Variants in MOXD1 observed in about 807,000 individuals in gnomAD.
MOXD1 encodes DBH-like monooxygenase protein 1.
In MOXD1, 62 loss-of-function variants were observed where a neutral mutation model predicts 66.6. The ratio of observed to expected loss-of-function variants is 0.93; its 90% confidence interval spans 0.76 to 1.15. MOXD1 has a LOEUF of 1.15. Among genes scored for constraint, MOXD1 ranks in the 50% most tolerant of loss-of-function variants. The pLI is 0.00. For missense variants in MOXD1, 847 were observed against 754.6 expected (o/e 1.12, Z -1.44); for synonymous variants, 303 against 281.9 (o/e 1.07, Z -0.75).
intron 9 of MOXD1, among the ~76,000 whole-genome samples, chr6:132,318,921 C>T (rs1420870698): frequency 1.3e-5 from 2 of 151,890 alleles, no homozygotes; most frequent in African/African-American, 4.8e-5. Flanking sequence ...AAAGTTTATC[C>T]TTTTCCATTT....
intron 4 of MOXD1, among the ~76,000 whole-genome samples, chr6:132,329,852 G>T (rs561740389): frequency 6.6e-6 from 1 of 152,100 alleles, no homozygotes. Flanking sequence ...TTAGAATTTG[G>T]AAGAGAAAAA....
chr6:132,398,794 C>G (rs1776954515), intron 1 of MOXD1, among the ~76,000 whole-genome samples: 1 of 151,738 alleles, frequency 6.6e-6, no homozygotes. Flanking sequence ...CAAAAATCAG[C>G]CTGGCATGGT....
chr6:132,365,797 A>G (rs913978050), intron 4 of MOXD1, among the ~76,000 whole-genome samples: 3 of 152,180 alleles, frequency 2.0e-5, no homozygotes, highest in African/African-American at 7.2e-5. Flanking sequence ...GCAGTCTTTC[A>G]AATGCACTAA....
chr6:132,386,447 A>AAAAAAAAAAAAAC (rs1776646640), intron 1 of MOXD1, among the ~76,000 whole-genome samples: 1 of 130,340 alleles, frequency 7.7e-6, no homozygotes, highest in African/African-American at 3.3e-5. Context: ...AAAAAAAAAC[A>AAAAAAAAAAAAAC]AAAAAAAAAC....
intron 4 of MOXD1, among the ~76,000 whole-genome samples, chr6:132,334,680 C>A (rs533872783): frequency 6.6e-6 from 1 of 152,284 alleles, no homozygotes; most frequent in Admixed American, 6.5e-5. Context: ...TCCTAATCAG[C>A]TCTCAGCAAA....
At chr6:132,315,026 G>T (rs1210660843) in intron 10 of MOXD1, among the ~76,000 whole-genome samples, 1 of 152,126 alleles carries the variant, frequency 6.6e-6, no homozygotes, top group Admixed American at 6.6e-5. Flanking sequence ...TTCCTATATT[G>T]ACATAAACTT....
At chr6:132,309,949 C>T (rs1195714882) in intron 10 of MOXD1, among the ~76,000 whole-genome samples, 1 of 152,186 alleles carries the variant, frequency 6.6e-6, no homozygotes, top group African/African-American at 2.4e-5. Context: ...TGGGCAAAGA[C>T]TTCATGACAA....
chr6:132,383,237 G>T (rs781026463), intron 1 of MOXD1, among the ~76,000 whole-genome samples: 17 of 151,906 alleles, frequency 1.1e-4, no homozygotes, highest in Non-Finnish European at 1.9e-4. Context: ...TGTGTTAAAG[G>T]GAATCTTTGA....
intron 10 of MOXD1, among the ~76,000 whole-genome samples, chr6:132,310,805 A>G (rs1368659292): frequency 2.0e-5 from 3 of 152,246 alleles, no homozygotes; most frequent in African/African-American, 7.2e-5. Context: ...ATGAGAACGC[A>G]CGGACACAGA....
chr6:132,307,242 T>C (rs968343071), intron 10 of MOXD1, among the ~76,000 whole-genome samples: 3 of 152,188 alleles, frequency 2.0e-5, no homozygotes, highest in Admixed American at 2.0e-4. Flanking sequence ...AAATAGACTT[T>C]AGACCAACAG....
chr6:132,322,803 C>A lies in MOXD1; in HGVS notation c.1181G>T (p.Gly394Val). The change falls in exon 8 of 12, where the codon GGC becomes GTC. Residue 394 changes from glycine (G) to valine (V), a missense_variant. Transcript: ENST00000367963. The part of the protein sequence containing the change: ...FAVLLHAHLA[G>V]RGIRLRHFRK... The stretch of plus-strand genomic sequence containing the variant: ...AAAATGACGCAGCCTGATGCCTCTG[C>A]CAGCCAGGTGAGCATGGAGAAGAAC... 1 of 1,614,078 alleles carries A rather than the reference C, an allele frequency of 6.2e-7. No homozygotes were observed.
intron 4 of MOXD1, among the ~76,000 whole-genome samples, chr6:132,349,520 G>T (rs1775760738): frequency 7.7e-6 from 1 of 129,888 alleles, no homozygotes; most frequent in African/African-American, 2.8e-5. Flanking sequence ...TCCACTCATT[G>T]ATTGATGGGC....
intron 1 of MOXD1, among the ~76,000 whole-genome samples, chr6:132,382,701 A>C (rs1376751663): frequency 1.3e-5 from 2 of 152,180 alleles, no homozygotes; most frequent in African/African-American, 2.4e-5. Flanking sequence ...AATGTATGAA[A>C]TATATACTTG....
chr6:132,345,652 C>T (rs1277056126), intron 4 of MOXD1, among the ~76,000 whole-genome samples: 2 of 152,086 alleles, frequency 1.3e-5, no homozygotes, highest in Non-Finnish European at 2.9e-5. Context: ...TGAGTCAATG[C>T]AACATAATTT....
chr6:132,358,932 C>A (rs1254082561), intron 4 of MOXD1, among the ~76,000 whole-genome samples: 1 of 151,974 alleles, frequency 6.6e-6, no homozygotes, highest in African/African-American at 2.4e-5. Flanking sequence ...TGAGACAAAC[C>A]TTTTCTATAA....
At chr6:132,392,755 T>C (rs1056336906) in intron 1 of MOXD1, among the ~76,000 whole-genome samples, 1 of 152,252 alleles carries the variant, frequency 6.6e-6, no homozygotes, top group Admixed American at 6.5e-5. Flanking sequence ...ATAGATTATG[T>C]TGAGATAGGC....
At chr6:132,330,547 T>C (rs183285453) in intron 4 of MOXD1, among the ~76,000 whole-genome samples, 10 of 152,296 alleles carry the variant, frequency 6.6e-5, no homozygotes, top group Admixed American at 5.2e-4. Flanking sequence ...GTTACAGGGT[T>C]CTTTTTTCTT....
chr6:132,329,384 G>T (rs1459150460), intron 4 of MOXD1, among the ~76,000 whole-genome samples: 1 of 152,010 alleles, frequency 6.6e-6, no homozygotes, highest in Non-Finnish European at 1.5e-5. Context: ...ATGGACATTT[G>T]GGTTTGTTCC....
At chr6:132,349,042 C>G (rs1450881577) in intron 4 of MOXD1, among the ~76,000 whole-genome samples, 1 of 151,750 alleles carries the variant, frequency 6.6e-6, no homozygotes, top group Non-Finnish European at 1.5e-5. Flanking sequence ...TAAGTAAGTT[C>G]TTTGGTGGTG....
Sources: gnomAD v4.1 joint callset for allele counts (sites outside exome capture counted in the v4.1 genomes callset) on GRCh38, gnomAD v4.1.1 for gene constraint, MANE v1.5 for transcripts, NCBI Gene and HGNC (gene_info 2026-07-23, HGNC 2026-07-21) for gene names.